KCNMA1: variants seen among roughly 807,000 people sequenced by gnomAD.
KCNMA1 encodes the protein Calcium-activated potassium channel subunit alpha-1.
In KCNMA1, 29 loss-of-function variants were observed where a neutral mutation model predicts 140.0. The observed-to-expected ratio is 0.21, with a 90% CI of 0.15 to 0.28. KCNMA1 has a LOEUF of 0.28. Ranked by LOEUF, KCNMA1 falls within the 10% of genes least tolerant of loss-of-function variation. KCNMA1 has a pLI of 1.00. For missense variants in KCNMA1, 880 were observed against 1,602.2 expected, an observed-to-expected ratio of 0.55 and a Z score of 7.70; for synonymous variants, 612 against 611.9, an observed-to-expected ratio of 1.00 and a Z score of 0.00.
chr10:76,999,872 C>T (rs2085627150), intron 19 of KCNMA1, among the ~76,000 whole-genome samples: 1 of 152,092 alleles, frequency 6.6e-6, no homozygotes, highest in South Asian at 2.1e-4. Flanking sequence ...TTCCAAATGC[C>T]TCTAATATGG....
intron 1 of KCNMA1, among the ~76,000 whole-genome samples, chr10:77,536,171 T>C (rs1335920848): frequency 6.6e-6 from 1 of 152,232 alleles, no homozygotes; most frequent in African/African-American, 2.4e-5. Context: ...ATAAAACTAT[T>C]ATGTATCCAT....
intron 1 of KCNMA1, among the ~76,000 whole-genome samples, chr10:77,598,173 G>A (rs1341381488): frequency 2.0e-5 from 3 of 152,118 alleles, no homozygotes; most frequent in Non-Finnish European, 2.9e-5. Context: ...GTTTCACCAT[G>A]TTGGCCAGGC....
chr10:77,254,213 T>C (rs1350946925), intron 2 of KCNMA1, among the ~76,000 whole-genome samples: 4 of 142,558 alleles, frequency 2.8e-5, no homozygotes, highest in African/African-American at 1.0e-4. Context: ...CTTGGAGTCA[T>C]GAAATATACT....
chr10:77,630,612 C>T (rs1168054051), intron 1 of KCNMA1, among the ~76,000 whole-genome samples: 1 of 152,172 alleles, frequency 6.6e-6, no homozygotes, highest in Admixed American at 6.5e-5. Context: ...TGGGAATTTC[C>T]ACATTTAAAA....
chr10:77,628,304 A>C (rs564199207), intron 1 of KCNMA1, among the ~76,000 whole-genome samples: 2 of 152,330 alleles, frequency 1.3e-5, no homozygotes, highest in Non-Finnish European at 2.9e-5. Context: ...TGCAAAAGAC[A>C]TCATGGTCCC....
chr10:76,897,583 T>G (rs1237417392), intron 25 of KCNMA1, among the ~76,000 whole-genome samples: 1 of 152,048 alleles, frequency 6.6e-6, no homozygotes, highest in Non-Finnish European at 1.5e-5. Flanking sequence ...ATTGATTTAA[T>G]TTTTTTAAAT....
At chr10:77,507,657 G>A (rs937166213) in intron 1 of KCNMA1, among the ~76,000 whole-genome samples, 63 of 152,190 alleles carry the variant, frequency 4.1e-4, no homozygotes, top group African/African-American at 1.5e-3. Flanking sequence ...TCCAAGATCT[G>A]AAGGGACCAG....
At chr10:77,113,835 A>G (rs894603983) in intron 6 of KCNMA1, among the ~76,000 whole-genome samples, 2 of 152,212 alleles carry the variant, frequency 1.3e-5, no homozygotes, top group Non-Finnish European at 2.9e-5. Flanking sequence ...ACCATCTCAC[A>G]TAGTTACGTT....
intron 25 of KCNMA1, among the ~76,000 whole-genome samples, chr10:76,900,792 A>G (rs1458857914): frequency 1.3e-5 from 2 of 152,116 alleles, no homozygotes; most frequent in African/African-American, 4.8e-5. Flanking sequence ...ATTTGCCATA[A>G]TGTATGAGAT....
intron 9 of KCNMA1, among the ~76,000 whole-genome samples, chr10:77,094,409 C>T (rs2096881116): frequency 6.6e-6 from 1 of 152,068 alleles, no homozygotes; most frequent in Non-Finnish European, 1.5e-5. Flanking sequence ...CAGAAATGGA[C>T]CCACAGAGGT....
chr10:77,025,248 A>G (rs1302346066), intron 16 of KCNMA1, among the ~76,000 whole-genome samples: 11 of 73,166 alleles, frequency 1.5e-4, no homozygotes, highest in Admixed American at 3.7e-4. Flanking sequence ...GTGTGTATAT[A>G]TATATATATA....
intron 1 of KCNMA1, among the ~76,000 whole-genome samples, chr10:77,544,585 C>A (rs189035100): frequency 6.6e-6 from 1 of 152,296 alleles, no homozygotes; most frequent in Admixed American, 6.5e-5. Flanking sequence ...CCACCTTTCA[C>A]TGAATTTCCC....
intron 1 of KCNMA1, among the ~76,000 whole-genome samples, chr10:77,494,900 G>A (rs754099147): frequency 7.2e-5 from 11 of 152,058 alleles, no homozygotes; most frequent in Non-Finnish European, 8.8e-5. Context: ...ATTCATCACC[G>A]CAATCTCTGC....
At chr10:77,287,076 A>G (rs1032087558) in intron 2 of KCNMA1, among the ~76,000 whole-genome samples, 18 of 152,328 alleles carry the variant, frequency 1.2e-4, no homozygotes, top group East Asian at 3.9e-4. Context: ...AGGGGAATCA[A>G]GGACAACTTC....
intron 20 of KCNMA1, among the ~76,000 whole-genome samples, chr10:76,960,365 C>A (rs572586520): frequency 1.1e-4 from 17 of 152,094 alleles, no homozygotes; most frequent in African/African-American, 3.6e-4. Flanking sequence ...CATGGTAAAA[C>A]CCCATCTCTA....
At position 77,378,422 on chromosome 10, in the gene KCNMA1, G is replaced by A. The variant is rs571984865; in HGVS notation, c.540+25440C>T. On this transcript the variant is annotated intron_variant, in intron 2 of 27. Coordinates refer to ENST00000286628, the MANE Select transcript of KCNMA1 (RefSeq NM_001161352.2). ...GAAGGAAAATCTGTCTCTTGCCAGG[G>A]TGAGGGCCACCAAGCGGGTTAGCTC... Among the ~76,000 whole-genome samples, 7 of 152,330 alleles carry A rather than the reference G, an allele frequency of 4.6e-5. No homozygotes were observed. The East Asian group carries it at 1.4e-3, about 29-fold the overall frequency.
intron 7 of KCNMA1, among the ~76,000 whole-genome samples, chr10:77,110,716 G>A (rs74140290): frequency 0.016 from 2,395 of 152,332 alleles, 77 homozygotes; most frequent in African/African-American, 0.054. Flanking sequence ...CAGAGATTCC[G>A]TCCCTGACCT....
At chr10:77,363,423 C>G (rs2094134425) in intron 2 of KCNMA1, among the ~76,000 whole-genome samples, 1 of 152,238 alleles carries the variant, frequency 6.6e-6, no homozygotes, top group African/African-American at 2.4e-5. Flanking sequence ...CTCAATGCCA[C>G]TCCTGCCTTA....
intron 5 of KCNMA1, among the ~76,000 whole-genome samples, chr10:77,135,953 T>TA (rs1203474507): frequency 6.6e-6 from 1 of 151,934 alleles, no homozygotes; most frequent in Admixed American, 6.5e-5. Flanking sequence ...TTTAAAAAAT[T>TA]AAAAGAAATG....
Sources: allele counts gnomAD v4.1 joint callset (sites outside exome capture counted in the v4.1 genomes callset), GRCh38; gene constraint gnomAD v4.1.1; transcripts MANE v1.5; gene names NCBI Gene and HGNC (gene_info 2026-07-23, HGNC 2026-07-21).